The following CSMD3 variants were observed in gnomAD, a reference collection of about 807,000 sequenced individuals.
The protein encoded by CSMD3 is CUB and Sushi multiple domains 3.
A neutral mutation model predicts 435.2 loss-of-function variants in CSMD3; 177 were observed. The ratio of observed to expected loss-of-function variants is 0.41; its 90% CI spans 0.36 to 0.46. The LOEUF is 0.46. Ranked by LOEUF, CSMD3 falls within the 20% of genes least tolerant of loss-of-function variation. The pLI is 0.34. For synonymous variants in CSMD3, 1,656 were observed against 1,520.5 expected (o/e 1.09, Z -2.07); for missense variants, 4,265 against 4,504.6 (o/e 0.95, Z 1.52).
intron 4 of CSMD3, among the ~76,000 whole-genome samples, chr8:113,122,981 G>A (rs1185246915): frequency 6.6e-6 from 1 of 150,728 alleles, no homozygotes; most frequent in Non-Finnish European, 1.5e-5. Context: ...AAACGTCATT[G>A]GCCCACCCAT....
intron 13 of CSMD3, among the ~76,000 whole-genome samples, chr8:112,722,814 T>C (rs573504714): frequency 1.3e-5 from 2 of 152,324 alleles, no homozygotes; most frequent in South Asian, 2.1e-4. Context: ...ATAATAATGG[T>C]AATTATGAAA....
chr8:112,349,737 T>TA (rs1244912867), intron 40 of CSMD3, among the ~76,000 whole-genome samples: 2 of 152,100 alleles, frequency 1.3e-5, no homozygotes, highest in South Asian at 2.1e-4. Context: ...AAACTTCCCT[T>TA]AAAAAAATCA....
intron 1 of CSMD3, among the ~76,000 whole-genome samples, chr8:113,429,369 G>T (rs1993895): frequency 0.25 from 38,166 of 151,540 alleles, 5,546 homozygotes; most frequent in East Asian, 0.46. Context: ...AGATTTAAAA[G>T]CTTTTAAGTA....
At chr8:112,331,055 C>T (rs1202370569) in intron 45 of CSMD3, among the ~76,000 whole-genome samples, 4 of 151,922 alleles carry the variant, frequency 2.6e-5, no homozygotes. Context: ...TATAGGGTTA[C>T]TATGAAAATT....
At chr8:113,312,309 C>A (rs571033121) in intron 2 of CSMD3, 1 of 151,976 alleles carries the variant, frequency 6.6e-6, no homozygotes, top group Non-Finnish European at 1.5e-5. Flanking sequence ...AAGTTAAATA[C>A]CATAATGAAC....
chr8:113,262,307 C>T (rs1426942261), intron 3 of CSMD3, among the ~76,000 whole-genome samples: 3 of 152,004 alleles, frequency 2.0e-5, no homozygotes, highest in Non-Finnish European at 4.4e-5. Context: ...AAGCAAAGTA[C>T]ATTATGTTGA....
chr8:112,969,797 C>T (rs1489118378), intron 7 of CSMD3, among the ~76,000 whole-genome samples: 1 of 151,958 alleles, frequency 6.6e-6, no homozygotes, highest in Admixed American at 6.6e-5. Context: ...GAAAAAATTT[C>T]TATTATTCTA....
At chr8:112,578,471 G>A (rs1830109105) in intron 23 of CSMD3, among the ~76,000 whole-genome samples, 1 of 151,730 alleles carries the variant, frequency 6.6e-6, no homozygotes, top group Non-Finnish European at 1.5e-5. Flanking sequence ...CTACAAATTG[G>A]CACTTTGAGA....
intron 6 of CSMD3, among the ~76,000 whole-genome samples, chr8:113,009,479 T>A (rs1476219201): frequency 6.6e-6 from 1 of 151,856 alleles, no homozygotes; most frequent in Non-Finnish European, 1.5e-5. Flanking sequence ...TTTTCCAATC[T>A]TAGCTTCTAT....
At chr8:112,929,353 T>C (rs1002583127) in intron 9 of CSMD3, among the ~76,000 whole-genome samples, 2 of 147,008 alleles carry the variant, frequency 1.4e-5, no homozygotes, top group African/African-American at 2.5e-5. Context: ...AATGTGCACA[T>C]GTACCCTAAA....
intron 10 of CSMD3, among the ~76,000 whole-genome samples, chr8:112,907,358 G>C (rs1404764946): frequency 6.6e-6 from 1 of 151,410 alleles, no homozygotes; most frequent in Non-Finnish European, 1.5e-5. Flanking sequence ...AGTGTTTTGT[G>C]CTCTTTAATT....
chr8:112,779,121 A>T (rs2078316944), intron 13 of CSMD3, among the ~76,000 whole-genome samples: 1 of 151,536 alleles, frequency 6.6e-6, no homozygotes, highest in African/African-American at 2.4e-5. Context: ...ATTAGTCTGT[A>T]ACTTGTCTTC....
At chr8:112,897,682 CTCTCTCTCTCTCTGTGTGTGTG>C (rs1285589515) in intron 10 of CSMD3, among the ~76,000 whole-genome samples, 2 of 87,016 alleles carry the variant, frequency 2.3e-5, no homozygotes, top group Non-Finnish European at 4.5e-5. Context: ...CTCTCTCTCT[CTCTCTCTCTCTCTGTGTGTGTG>C]TGTGTGTGTG....
intron 69 of CSMD3, among the ~76,000 whole-genome samples, 199 bp from the exon 70 acceptor site, chr8:112,229,090 A>C (rs1812840925): frequency 6.6e-6 from 1 of 152,216 alleles, no homozygotes; most frequent in Admixed American, 6.5e-5. Context: ...TTTCCAGGAA[A>C]GGGTACAGAC....
intron 32 of CSMD3, among the ~76,000 whole-genome samples, chr8:112,469,975 T>C (rs181871383): frequency 9.2e-5 from 14 of 152,260 alleles, no homozygotes; most frequent in Admixed American, 2.6e-4. Flanking sequence ...AAAAAAATTA[T>C]GGCAAAGTGA....
At chr8:112,241,581 C>T in intron 66 of CSMD3, 139 bp downstream of exon 66, 1 of 658,430 alleles carries the variant, frequency 1.5e-6, no homozygotes, top group Non-Finnish European at 2.7e-6. Flanking sequence ...AATTCAACAT[C>T]TTGTGAATTA....
chr8:112,592,713 C>G (rs1184095999), intron 22 of CSMD3, among the ~76,000 whole-genome samples: 2 of 151,904 alleles, frequency 1.3e-5, no homozygotes, highest in African/African-American at 4.8e-5. Context: ...ATTTTTTCTT[C>G]TTTCCATGAA....
intron 3 of CSMD3, among the ~76,000 whole-genome samples, chr8:113,186,707 C>G (rs993947775): frequency 2.0e-5 from 3 of 152,008 alleles, no homozygotes; most frequent in African/African-American, 7.2e-5. Flanking sequence ...CCTGACATTA[C>G]TTAGCACAGT....
At chr8:113,428,731 A>G (rs1431941519) in intron 1 of CSMD3, among the ~76,000 whole-genome samples, 1 of 151,914 alleles carries the variant, frequency 6.6e-6, no homozygotes, top group Non-Finnish European at 1.5e-5. Flanking sequence ...TACATAGTAA[A>G]TAACTCTGAT....
Sources: gnomAD v4.1 joint callset for allele counts (sites outside exome capture counted in the v4.1 genomes callset) on GRCh38, gnomAD v4.1.1 for gene constraint, MANE v1.5 for transcripts, NCBI Gene and HGNC (gene_info 2026-07-23, HGNC 2026-07-21) for gene names.